The following AIM2 variants were observed in gnomAD, a reference collection of about 807,000 sequenced individuals.
AIM2 encodes the protein interferon-inducible protein AIM2.
In AIM2, 30 loss-of-function variants were observed where a neutral mutation model predicts 27.7. The observed-to-expected ratio is 1.08, with a 90% CI of 0.81 to 1.47. AIM2 has a LOEUF of 1.47. Among genes scored for constraint, AIM2 ranks in the 40% most tolerant of loss-of-function variants. The pLI, the probability that AIM2 is intolerant of heterozygous loss-of-function variation, is 0.00. For synonymous variants in AIM2, 141 were observed against 145.3 expected (o/e 0.97, Z 0.21); for missense variants, 358 against 411.3 (o/e 0.87, Z 1.12).
rs1656460893 is a variant in AIM2, at chr1:159,073,501, T to C, written c.-2A>G. 1.2e-6 allele frequency: 2 copies of C among 1,613,048 alleles called. No individual in the cohort carries two copies. The highest frequency in any genetic ancestry group is 1.1e-5 in the South Asian group (1 of 91,076). On this transcript the variant is annotated 5_prime_UTR_variant, in exon 2 of 6. Transcript: ENST00000368130. ...TATCTCCTTGTATTTACTCTCCATC[T>C]GACAACTTTGGGATCAGCCTATAAG...
At chr1:159,062,745 C>T (rs767795836) in intron 5 of AIM2, 27 bp from the exon 6 acceptor site, 2 of 1,612,410 alleles carry the variant, frequency 1.2e-6, no homozygotes, top group Non-Finnish European at 1.7e-6. Flanking sequence ...AACATGCAGT[C>T]TGAGATGCAG....
In AIM2 at chr1:159,065,974, T is replaced by A. The variant is rs1197388127; in HGVS notation, c.752A>T (p.Lys251Met). 5.0e-6 allele frequency: 8 copies of A among 1,613,888 alleles called. No individual in the cohort carries two copies. In the South Asian group the frequency reaches 8.8e-5, roughly 18 times the overall value. The change falls in exon 4 of 6, where the codon AAG becomes ATG. Residue 251 changes from lysine (K) to methionine (M), a missense_variant. Transcript: ENST00000368130. ...GGGCTGAGTTTGAAGCGTGTTGATC[T>A]TCGGGGTTTCACCAGCTTTTCTGAT... ...NIIRKAGETP[K>M]INTLQTQPLG...
At chr1:159,142,975 C>G (rs888563819), upstream of AIM2, among the ~76,000 whole-genome samples, 2 of 152,206 alleles carry the variant, frequency 1.3e-5, no homozygotes, top group Non-Finnish European at 2.9e-5. Flanking sequence ...AGATATCCCT[C>G]CTTCTCCCTC....
intron 1 of AIM2, among the ~76,000 whole-genome samples, chr1:159,098,648 G>A (rs775869118): frequency 3.9e-5 from 6 of 152,154 alleles, no homozygotes; most frequent in Non-Finnish European, 1.5e-5. Flanking sequence ...GGATGCTGAA[G>A]GAAAAATCCA....
intron 4 of AIM2, among the ~76,000 whole-genome samples, chr1:159,064,891 G>A (rs1214845080): frequency 6.6e-6 from 1 of 152,244 alleles, no homozygotes; most frequent in African/African-American, 2.4e-5. Context: ...AAAGGGAACA[G>A]GAGGTTGGTC....
intron 3 of AIM2, among the ~76,000 whole-genome samples, chr1:159,068,039 G>A (rs1458325986): frequency 6.6e-6 from 1 of 151,964 alleles, no homozygotes; most frequent in East Asian, 1.9e-4. Flanking sequence ...AAAACAAACA[G>A]AGGCATGCCA....
chr1:159,123,388 T>C (rs1258776919), intron 1 of AIM2: 4 of 152,198 alleles, frequency 2.6e-5, no homozygotes, highest in African/African-American at 9.7e-5. Flanking sequence ...GGCCCTTTCT[T>C]GTGATATCCA....
At chr1:159,078,186 G>A (rs1013155360), upstream of AIM2, among the ~76,000 whole-genome samples, 1 of 152,090 alleles carries the variant, frequency 6.6e-6, no homozygotes, top group Non-Finnish European at 1.5e-5. Context: ...TTTCCCACAC[G>A]TGTTACTGAC....
chr1:159,133,554 C>CT (rs1233196217), intron 1 of AIM2, among the ~76,000 whole-genome samples: 1 of 152,126 alleles, frequency 6.6e-6, no homozygotes, highest in Admixed American at 6.5e-5. Context: ...CCTCCATCTG[C>CT]TTTTTTTACC....
chr1:159,060,025 T>C (rs1571914163), downstream of AIM2, among the ~76,000 whole-genome samples: 1 of 152,124 alleles, frequency 6.6e-6, no homozygotes, highest in Non-Finnish European at 1.5e-5. Context: ...TCATAAACAT[T>C]TTACAGACCA....
rs114973960 is a variant in AIM2, at chr1:159,089,894, C to T, written c.-15-23565G>A. On this transcript the variant is annotated intron_variant, in intron 1 of 2. Transcript: ENST00000368129. ...CTGGACCCTAGACCCTTCAACCAGA[C>T]AACCAAAGTGCCTATTTTCCCAGCT... 3.2e-3 allele frequency among the ~76,000 whole-genome samples: 483 copies of T among 152,284 alleles called. 4 individuals carry two copies. The highest frequency in any genetic ancestry group is 0.011 in the African/African-American group (445 of 41,570).
chr1:159,136,251 C>G (rs186377475), intron 1 of AIM2, among the ~76,000 whole-genome samples: 11 of 152,302 alleles, frequency 7.2e-5, no homozygotes, highest in African/African-American at 2.6e-4. Context: ...CGCACAGCCT[C>G]CAAGAAACTA....
intron 1 of AIM2, among the ~76,000 whole-genome samples, chr1:159,120,778 T>C (rs914475744): frequency 9.9e-5 from 15 of 152,108 alleles, no homozygotes; most frequent in Non-Finnish European, 1.8e-4. Context: ...GTGTTGTAAA[T>C]ACATTCTAGA....
intron 4 of AIM2, among the ~76,000 whole-genome samples, chr1:159,064,166 G>A (rs2101962916): frequency 6.6e-6 from 1 of 152,316 alleles, no homozygotes; most frequent in South Asian, 2.1e-4. Flanking sequence ...AGGGTCAGAA[G>A]CCCTAATCCC....
chr1:159,134,251 T>C (rs1419352060), intron 1 of AIM2, among the ~76,000 whole-genome samples: 1 of 152,232 alleles, frequency 6.6e-6, no homozygotes, highest in Non-Finnish European at 1.5e-5. Context: ...CTGGCTAATA[T>C]TGCTTTTCAC....
At chr1:159,083,825 A>G (rs908633109) in intron 1 of AIM2, among the ~76,000 whole-genome samples, 1 of 152,232 alleles carries the variant, frequency 6.6e-6, no homozygotes, top group Non-Finnish European at 1.5e-5. Flanking sequence ...GACTAGTCCT[A>G]TTGGAAGGAA....
At chr1:159,055,182 A>C in the AIM2 span, 10 of 217,604 alleles carry the variant, frequency 4.6e-5, no homozygotes, top group Non-Finnish European at 8.2e-5. Flanking sequence ...TCTTTAATCC[A>C]TCCATGAGTT....
chr1:159,122,275 T>G (rs1342950384), intron 1 of AIM2: 2 of 152,328 alleles, frequency 1.3e-5, no homozygotes, highest in African/African-American at 4.8e-5. Flanking sequence ...GTTTGGTGGC[T>G]CTCTTCCAAG....
downstream of AIM2, among the ~76,000 whole-genome samples, chr1:159,061,558 A>ATTT (rs945588968): frequency 5.9e-4 from 49 of 83,116 alleles, no homozygotes; most frequent in Admixed American, 1.2e-3. Flanking sequence ...GTGCCCGGCT[A>ATTT]TTTTTTTTTT....
Sources: allele counts gnomAD v4.1 joint callset (sites outside exome capture counted in the v4.1 genomes callset), GRCh38; gene constraint gnomAD v4.1.1; transcripts MANE v1.5; gene names NCBI Gene and HGNC (gene_info 2026-07-23, HGNC 2026-07-21).